Variants in RRM1 observed in about 807,000 individuals in gnomAD.
RRM1 encodes the protein ribonucleotide reductase catalytic subunit M1.
In RRM1, 19 loss-of-function variants were observed where a neutral mutation model predicts 101.5. That is an observed-to-expected ratio of 0.19 (90% CI 0.13 to 0.27). The LOEUF (loss-of-function observed/expected upper bound fraction) is 0.27. RRM1 is among the 10% of genes least tolerant of loss of function. The pLI is 1.00. For synonymous variants in RRM1, 298 were observed against 323.4 expected (o/e 0.92, Z 0.84); for missense variants, 500 against 962.9 (o/e 0.52, Z 6.36).
At position 4,095,038 on chromosome 11, in the gene RRM1, G is replaced by A. The variant is rs550518576; in HGVS notation, c.19+7G>A. ...ATGCATGTGATCAAGCGAGGTGAGG[G>A]GGGGACGAGGTGGGCGAGAAGGAAG... On this transcript the variant is annotated splice_region_variant and intron_variant, in intron 1 of 18. Coordinates refer to ENST00000300738, the MANE Select transcript of RRM1 (RefSeq NM_001033.5). The A allele has an allele frequency of 3.8e-6, 6 of 1,569,180 alleles. No homozygotes were observed. The highest frequency in any genetic ancestry group is 2.4e-5 in the East Asian group (1 of 42,372).
At chr11:4,122,866 C>G (rs900798486) in intron 11 of RRM1, among the ~76,000 whole-genome samples, 8 of 149,330 alleles carry the variant, frequency 5.4e-5, no homozygotes, top group African/African-American at 2.0e-4. Flanking sequence ...GAACGAAACT[C>G]CGTCTCAAAA....
intron 7 of RRM1, among the ~76,000 whole-genome samples, chr11:4,117,373 G>A (rs1213808885): frequency 6.6e-6 from 1 of 152,180 alleles, no homozygotes; most frequent in East Asian, 1.9e-4. Flanking sequence ...AATTGCAAAT[G>A]AATTGGAAAT....
At chr11:4,109,355 A>T (rs2094562411) in intron 4 of RRM1, among the ~76,000 whole-genome samples, 1 of 152,078 alleles carries the variant, frequency 6.6e-6, no homozygotes. Context: ...TAAACATAAT[A>T]GTAAAAGTTT....
intron 1 of RRM1, among the ~76,000 whole-genome samples, chr11:4,100,165 C>G (rs1191509398): frequency 6.6e-6 from 1 of 152,208 alleles, no homozygotes; most frequent in East Asian, 1.9e-4. Flanking sequence ...GAAGAAAAAG[C>G]AACTTGTTCT....
intron 18 of RRM1, among the ~76,000 whole-genome samples, chr11:4,136,782 T>C (rs2094611132): frequency 6.6e-6 from 1 of 152,054 alleles, no homozygotes; most frequent in Non-Finnish European, 1.5e-5. Flanking sequence ...TTTATTTATT[T>C]ATTTTTATTG....
intron 2 of RRM1, among the ~76,000 whole-genome samples, chr11:4,103,800 T>G (rs11030947): frequency 8.1e-5 from 12 of 148,946 alleles, no homozygotes; most frequent in African/African-American, 3.0e-4. Flanking sequence ...TTTTTTTTTT[T>G]GTATTTTTAG....
intron 1 of RRM1, chr11:4,099,314 T>TTTTTTTTTTTG (rs2094547690): frequency 7.1e-6 from 1 of 141,396 alleles, no homozygotes; most frequent in Admixed American, 7.2e-5. Context: ...TTTTTTTTTT[T>TTTTTTTTTTTG]GTATTTTTAG....
chr11:4,134,527 C>T (rs2094605824), intron 17 of RRM1, among the ~76,000 whole-genome samples: 1 of 152,202 alleles, frequency 6.6e-6, no homozygotes, highest in African/African-American at 2.4e-5. Context: ...AGTCCTATAA[C>T]AGTTCCATAT....
At chr11:4,106,573 C>G (rs1267878888) in intron 3 of RRM1, among the ~76,000 whole-genome samples, 1 of 152,048 alleles carries the variant, frequency 6.6e-6, no homozygotes, top group Admixed American at 6.6e-5. Context: ...ATGGCGAAAC[C>G]CTTTCTCTAC....
intron 1 of RRM1, 129 bp from the exon 2 acceptor site, chr11:4,101,864 A>C: frequency 1.6e-6 from 1 of 613,654 alleles, no homozygotes; most frequent in Non-Finnish European, 2.9e-6. Flanking sequence ...AGGGGGCCTC[A>C]ATCTTTTCTG....
chr11:4,105,841 G>A, intron 2 of RRM1: 1 of 541,358 alleles, frequency 1.8e-6, no homozygotes, highest in Non-Finnish European at 3.3e-6. Context: ...CTGTGATTAT[G>A]GGTGTGAGCC....
chr11:4,137,199 T>C, intron 18 of RRM1: 1 of 258,406 alleles, frequency 3.9e-6, no homozygotes, highest in African/African-American at 2.3e-5. Context: ...ACCATCCGAT[T>C]TCTCAATCTT....
At chr11:4,100,174 C>G (rs1206168025) in intron 1 of RRM1, among the ~76,000 whole-genome samples, 1 of 152,176 alleles carries the variant, frequency 6.6e-6, no homozygotes, top group Non-Finnish European at 1.5e-5. Context: ...GCAACTTGTT[C>G]TAGTGATAAT....
chr11:4,120,219 C>A (rs1162777192), intron 9 of RRM1, among the ~76,000 whole-genome samples: 1 of 152,188 alleles, frequency 6.6e-6, no homozygotes, highest in Non-Finnish European at 1.5e-5. Flanking sequence ...ACCCCTGTCA[C>A]CCCTACCCAC....
At chr11:4,125,115 A>T (rs1482158164) in intron 12 of RRM1, among the ~76,000 whole-genome samples, 4 of 151,864 alleles carry the variant, frequency 2.6e-5, no homozygotes, top group Non-Finnish European at 4.4e-5. Context: ...AGGTTTCACT[A>T]TGTTGGCCAG....
chr11:4,130,691 C>T (rs564450241), intron 15 of RRM1, among the ~76,000 whole-genome samples: 2 of 151,472 alleles, frequency 1.3e-5, no homozygotes, highest in African/African-American at 4.8e-5. Flanking sequence ...GACTCTGTCT[C>T]AAAAAAAAGA....
At chr11:4,098,201 G>A (rs73417185) in intron 1 of RRM1, among the ~76,000 whole-genome samples, 2,105 of 152,262 alleles carry the variant, frequency 0.014, 42 homozygotes, top group African/African-American at 0.047. Flanking sequence ...AAAAGTTTAC[G>A]AAATAATGTC....
In RRM1 at chr11:4,137,489, C is replaced by T. The variant is rs1183772624; in HGVS notation, c.2191-706C>T. Reference sequence around the variant, plus strand: ...CTCCCGGACGGGGCGGCTGGCCGGGCCGGGGGCTGAACCCCCCACCTCCCT... The same window carrying T: ...CTCCCGGACGGGGCGGCTGGCCGGGTCGGGGGCTGAACCCCCCACCTCCCT... On this transcript the variant is annotated intron_variant, in intron 18 of 18. Coordinates refer to ENST00000300738, the MANE Select transcript of RRM1 (RefSeq NM_001033.5). 1.2e-4 allele frequency among the ~76,000 whole-genome samples: 12 copies of T among 101,540 alleles called. 2 individuals are homozygous for T. The highest frequency in any genetic ancestry group is 3.1e-4 in the African/African-American group (8 of 25,586). The allele number at this position is 101,540 out of a possible 152,430, so 66.6% of individuals were successfully genotyped here. A position where few individuals can be genotyped will look rare whatever the true frequency, so the allele number is the denominator to read the frequency against.
At chr11:4,137,716 A>G (rs2094614987) in intron 18 of RRM1, among the ~76,000 whole-genome samples, 1 of 24,084 alleles carries the variant, frequency 4.2e-5, no homozygotes, top group Non-Finnish European at 1.0e-4. Context: ...CTGGCCGGGC[A>G]GAGGGGCTCC....
Sources: allele counts gnomAD v4.1 joint callset (sites outside exome capture counted in the v4.1 genomes callset), GRCh38; gene constraint gnomAD v4.1.1; transcripts MANE v1.5; gene names NCBI Gene and HGNC (gene_info 2026-07-23, HGNC 2026-07-21).